Variants in BTBD9 observed in about 807,000 individuals in gnomAD.
The protein encoded by BTBD9 is BTB domain containing 9.
A neutral mutation model predicts 64.3 loss-of-function variants in BTBD9; 49 were observed. The observed-to-expected ratio is 0.76, with a 90% CI of 0.61 to 0.97. The LOEUF is 0.97. Ranked by LOEUF, BTBD9 falls within the 50% of genes least tolerant of loss-of-function variation. The pLI is 0.00. For missense variants in BTBD9, 598 were observed against 762.1 expected (o/e 0.78, Z 2.53); for synonymous variants, 260 against 274.7 (o/e 0.95, Z 0.53).
intron 7 of BTBD9, among the ~76,000 whole-genome samples, chr6:38,341,902 T>G (rs571128439): frequency 6.6e-6 from 1 of 152,298 alleles, no homozygotes; most frequent in South Asian, 2.1e-4. Flanking sequence ...AGCGAGGGCC[T>G]CTTCTCGTGG....
chr6:38,414,608 T>C (rs1282078034), intron 6 of BTBD9, among the ~76,000 whole-genome samples: 1 of 152,194 alleles, frequency 6.6e-6, no homozygotes, highest in African/African-American at 2.4e-5. Context: ...TGCCTGCCAT[T>C]GGTCTTCCAC....
At position 38,171,871 on chromosome 6, in the gene BTBD9, A is replaced by AT. The variant is rs1561821723; in HGVS notation, c.*3113_*3114insA. The AT allele has an allele frequency of 2.6e-5, 3 of 115,998 alleles. No individual in the cohort carries two copies. The highest frequency in any genetic ancestry group is 9.7e-5 in the African/African-American group (3 of 30,856). The allele number at this position is 115,998 out of a possible 1,614,324, so 7.2% of individuals were successfully genotyped here. Reference sequence around the variant, plus strand: ...CAAAAAAAAAAAAAAAAAAAAAAAAAAAAAAAAAAAATAATAATAATAATA... The same window carrying AT: ...CAAAAAAAAAAAAAAAAAAAAAAAAATAAAAAAAAAAATAATAATAATAATA... On this transcript the variant is annotated 3_prime_UTR_variant, in exon 11 of 11. Coordinates refer to ENST00000481247, the MANE Select transcript of BTBD9 (RefSeq NM_001099272.2).
chr6:38,507,959 G>A (rs943269900), intron 6 of BTBD9, among the ~76,000 whole-genome samples: 3 of 149,688 alleles, frequency 2.0e-5, no homozygotes, highest in African/African-American at 4.9e-5. Flanking sequence ...TCAGCCTCCC[G>A]AGTAGCTGGG....
intron 6 of BTBD9, among the ~76,000 whole-genome samples, chr6:38,453,384 A>G (rs1769645490): frequency 6.6e-6 from 1 of 152,138 alleles, no homozygotes; most frequent in African/African-American, 2.4e-5. Context: ...CCACATTTGC[A>G]TGAATTCAAA....
intron 5 of BTBD9, among the ~76,000 whole-genome samples, chr6:38,578,534 C>T (rs1026414093): frequency 6.6e-6 from 1 of 152,132 alleles, no homozygotes; most frequent in Non-Finnish European, 1.5e-5. Flanking sequence ...TAAATGTCAT[C>T]CTGCAACCCA....
At chr6:38,622,571 C>T (rs920198258) in intron 1 of BTBD9, among the ~76,000 whole-genome samples, 73 of 152,274 alleles carry the variant, frequency 4.8e-4, no homozygotes, top group Middle Eastern at 3.4e-3. Flanking sequence ...TAATAGGATA[C>T]GCAATCCAGC....
intron 6 of BTBD9, among the ~76,000 whole-genome samples, chr6:38,438,499 A>C (rs1436773981): frequency 6.6e-6 from 1 of 152,158 alleles, no homozygotes; most frequent in Non-Finnish European, 1.5e-5. Context: ...TGGAGGAAGA[A>C]ATAAAAAGTA....
At chr6:38,389,049 CTAACTGTCTT>C (rs1766300615) in intron 6 of BTBD9, among the ~76,000 whole-genome samples, 1 of 152,140 alleles carries the variant, frequency 6.6e-6, no homozygotes, top group Admixed American at 6.5e-5. Flanking sequence ...ACTAGATCTT[CTAACTGTCTT>C]TAACTGGCAG....
At chr6:38,255,227 CAG>C (rs1764534912) in intron 9 of BTBD9, among the ~76,000 whole-genome samples, 2 of 152,156 alleles carry the variant, frequency 1.3e-5, no homozygotes, top group South Asian at 4.1e-4. Flanking sequence ...AAAGAAAAGA[CAG>C]AAAGTAGATT....
intron 6 of BTBD9, among the ~76,000 whole-genome samples, chr6:38,505,559 G>C (rs1772439521): frequency 6.6e-6 from 1 of 151,900 alleles, no homozygotes; most frequent in South Asian, 2.1e-4. Context: ...GGGAGGCGGA[G>C]GTTGCAGTGA....
chr6:38,409,703 A>G (rs971899228), intron 6 of BTBD9, among the ~76,000 whole-genome samples: 5 of 152,048 alleles, frequency 3.3e-5, no homozygotes, highest in Admixed American at 1.3e-4. Flanking sequence ...CCGTGCCTGT[A>G]GTTCCAGCTA....
At chr6:38,220,325 T>C (rs1035776712) in intron 9 of BTBD9, among the ~76,000 whole-genome samples, 1 of 152,226 alleles carries the variant, frequency 6.6e-6, no homozygotes, top group Non-Finnish European at 1.5e-5. Flanking sequence ...AGTTTACTCT[T>C]GGCTTTCTTT....
intron 1 of BTBD9, among the ~76,000 whole-genome samples, chr6:38,618,935 G>T (rs1777890916): frequency 1.3e-5 from 2 of 152,196 alleles, no homozygotes; most frequent in Admixed American, 1.3e-4. Flanking sequence ...GCCGTCCCCA[G>T]TATGGATCCC....
At chr6:38,477,545 T>G (rs1475931319) in intron 6 of BTBD9, among the ~76,000 whole-genome samples, 2 of 152,252 alleles carry the variant, frequency 1.3e-5, no homozygotes, top group Non-Finnish European at 2.9e-5. Context: ...ATCCTGTGCT[T>G]TGTATTTATA....
chr6:38,306,958 T>C (rs909330312), intron 7 of BTBD9, among the ~76,000 whole-genome samples: 1 of 152,236 alleles, frequency 6.6e-6, no homozygotes, highest in Non-Finnish European at 1.5e-5. Flanking sequence ...AGCAAGCAAA[T>C]GGTTAATAAT....
chr6:38,175,319 C>A (rs189799959), intron 10 of BTBD9, 137 bp from the exon 11 acceptor site: 1 of 812,476 alleles, frequency 1.2e-6, no homozygotes, highest in Non-Finnish European at 2.0e-6. Context: ...CCACTGCCCA[C>A]GCCTGCCCCG....
chr6:38,505,355 T>A (rs1325679642), intron 6 of BTBD9, among the ~76,000 whole-genome samples: 1 of 152,190 alleles, frequency 6.6e-6, no homozygotes, highest in Non-Finnish European at 1.5e-5. Context: ...CCAGGTGCGG[T>A]GGCTCACACC....
At chr6:38,479,242 C>A (rs919907198) in intron 6 of BTBD9, among the ~76,000 whole-genome samples, 1 of 152,104 alleles carries the variant, frequency 6.6e-6, no homozygotes, top group East Asian at 1.9e-4. Flanking sequence ...AGACACACAA[C>A]CCCTCCAGCT....
chr6:38,416,337 C>CTT (rs35793205), intron 6 of BTBD9, among the ~76,000 whole-genome samples: 26 of 138,554 alleles, frequency 1.9e-4, no homozygotes, highest in African/African-American at 2.7e-4. Context: ...CCCCTCTGTA[C>CTT]TTTTTTTTTT....
Sources: gnomAD v4.1 joint callset for allele counts (sites outside exome capture counted in the v4.1 genomes callset) on GRCh38, gnomAD v4.1.1 for gene constraint, MANE v1.5 for transcripts, NCBI Gene and HGNC (gene_info 2026-07-23, HGNC 2026-07-21) for gene names.